The following C9orf78 variants were observed in gnomAD, a reference collection of about 807,000 sequenced individuals.
C9orf78 encodes the protein splicing factor C9orf78.
C9orf78 carries 19 observed loss-of-function variants against 37.4 expected under a neutral mutation model. The ratio of observed to expected loss-of-function variants is 0.51; its 90% CI spans 0.35 to 0.74. The LOEUF (loss-of-function observed/expected upper bound fraction) is 0.74. Among genes scored for constraint, C9orf78 ranks in the 30% least tolerant of loss-of-function variants. C9orf78 has a pLI of 0.01. For missense variants in C9orf78, 291 were observed against 370.8 expected (o/e 0.78, Z 1.77); for synonymous variants, 130 against 128.0 (o/e 1.02, Z -0.10).
intron 4 of C9orf78, among the ~76,000 whole-genome samples, chr9:129,833,116 T>G (rs1475400250): frequency 2.0e-5 from 3 of 150,792 alleles, no homozygotes; most frequent in Non-Finnish European, 4.4e-5. Flanking sequence ...TTTTTTTTTT[T>G]GTAGAGACAG....
At chr9:129,833,032 T>TGG (rs780184435) in intron 4 of C9orf78, among the ~76,000 whole-genome samples, 8 of 117,100 alleles carry the variant, frequency 6.8e-5, no homozygotes, top group Middle Eastern at 5.2e-3. Context: ...TGTATATACA[T>TGG]GTGTGTATAT....
intron 3 of C9orf78, 42 bp from the exon 4 acceptor site, chr9:129,833,559 A>T (rs779820599): frequency 6.7e-7 from 1 of 1,495,528 alleles, no homozygotes; most frequent in Non-Finnish European, 9.3e-7. Flanking sequence ...ATCTAAATAC[A>T]TGGTAGTGGA....
In C9orf78 at chr9:129,833,534, C is replaced by G; in HGVS notation, c.196-17G>C. On this transcript the variant is annotated splice_polypyrimidine_tract_variant and intron_variant, in intron 3 of 8. Coordinates refer to ENST00000372447, the MANE Select transcript of C9orf78 (RefSeq NM_016520.3). ...GGGATCATCCTGCAGAAAGCAAACA[C>G]AGTTAAGAGGAAGCATCTAAATACA... 6.3e-7 allele frequency: 1 copy of G among 1,579,200 alleles called. No homozygotes were observed. The highest frequency in any genetic ancestry group is 8.7e-7 in the Non-Finnish European group (1 of 1,148,176).
chr9:129,832,026 T>G, intron 4 of C9orf78, 53 bp from the exon 5 acceptor site: 1 of 835,566 alleles, frequency 1.2e-6, no homozygotes, highest in Non-Finnish European at 2.1e-6. Context: ...TCAATGAGGC[T>G]GAGTTTTATG....
rs1304507977 is a variant in C9orf78, at chr9:129,828,035, C to T, written c.*126G>A. The stretch of plus-strand genomic sequence containing the variant: ...CTCAAACTCCCGACCTCAGGTGATC[C>T]GCCCACCTCGGCCTCCCAAAGTGCT... On this transcript the variant is annotated 3_prime_UTR_variant, in exon 9 of 9. Coordinates refer to ENST00000372447, the MANE Select transcript of C9orf78 (RefSeq NM_016520.3). The T allele has an allele frequency of 2.2e-5, 12 of 552,918 alleles. No homozygotes were observed. The highest frequency in any genetic ancestry group is 6.4e-5 in the South Asian group (4 of 62,836). 34.3% of individuals were successfully genotyped at this position (552,918 alleles called of 1,614,324 possible).
intron 2 of C9orf78, 73 bp from the exon 3 acceptor site, chr9:129,833,782 C>A (rs535159175): frequency 1.8e-6 from 2 of 1,089,378 alleles, no homozygotes; most frequent in East Asian, 2.5e-5. Context: ...GAGGAACCCT[C>A]TCAGGTATGC....
chr9:129,833,825 A>G, intron 2 of C9orf78, 116 bp from the exon 3 acceptor site: 4 of 507,888 alleles, frequency 7.9e-6, no homozygotes, highest in Non-Finnish European at 1.1e-5. Flanking sequence ...GTGGGATTTG[A>G]GGGGTGGGTA....
At position 129,828,112 on chromosome 9, in the gene C9orf78, G is replaced by C. The variant is rs1257647423; in HGVS notation, c.*49C>G. ...CCGGCCAGGAAGCCATTTTTCATGGGAGGGATATAGGGAGAGGAAGGCGAT... is the reference window on the plus strand; with the variant it reads ...CCGGCCAGGAAGCCATTTTTCATGGCAGGGATATAGGGAGAGGAAGGCGAT... On this transcript the variant is annotated 3_prime_UTR_variant, in exon 9 of 9. Transcript: ENST00000372447. 2 of 1,119,150 alleles carry C rather than the reference G, an allele frequency of 1.8e-6. No individual in the cohort carries two copies. The highest frequency in any genetic ancestry group is 2.5e-5 in the South Asian group (2 of 80,520). 69.3% of individuals were successfully genotyped at this position (1,119,150 alleles called of 1,614,324 possible). A position where few individuals can be genotyped will look rare whatever the true frequency, so the allele number is the denominator to read the frequency against.
intron 4 of C9orf78, among the ~76,000 whole-genome samples, chr9:129,832,333 C>A (rs1588224212): frequency 6.6e-6 from 1 of 152,342 alleles, no homozygotes; most frequent in South Asian, 2.1e-4. Flanking sequence ...TGCTTTAAAT[C>A]ATCTCTAGAT....
At chr9:129,833,770 A>T in intron 2 of C9orf78, 61 bp from the exon 3 acceptor site, 1 of 1,221,526 alleles carries the variant, frequency 8.2e-7, no homozygotes, top group Middle Eastern at 2.5e-4. Flanking sequence ...TTCAGAGATA[A>T]GGAGGAACCC....
rs774463192 is a variant in C9orf78, at chr9:129,828,194, A to G, written c.837T>C (p.Tyr279=). ...ANEKATDDYH[Y]EKFKKMNRRY ...GCCTATTCATTTTCTTGAACTTCTC[A>G]TAATGATAGTCATCAGTTGCCTTCT... Residue 279 remains tyrosine (Y), a synonymous_variant, in exon 9 of 9, where the codon TAT becomes TAC. Coordinates refer to ENST00000372447, the MANE Select transcript of C9orf78 (RefSeq NM_016520.3). The G allele has an allele frequency of 1.9e-6, 3 of 1,606,136 alleles. No individual in the cohort carries two copies. The highest frequency in any genetic ancestry group is 1.7e-6 in the Non-Finnish European group (2 of 1,173,650).
chr9:129,831,398 C>T (rs963104590), intron 5 of C9orf78: 6 of 325,888 alleles, frequency 1.8e-5, no homozygotes, highest in Non-Finnish European at 2.8e-5. Context: ...TATTACTAGT[C>T]ATGAAACCAC....
In C9orf78 at chr9:129,829,716, C is replaced by T. The variant is rs1368199266; in HGVS notation, c.543-175G>A. Reference sequence around the variant, plus strand: ...ATTCTCACGGGACTCTCACGGCTGTCGGAGAACCACAGTTACTCTGCTCTT... The same window carrying T: ...ATTCTCACGGGACTCTCACGGCTGTTGGAGAACCACAGTTACTCTGCTCTT... On this transcript the variant is annotated intron_variant, in intron 6 of 8. Coordinates refer to ENST00000372447, the MANE Select transcript of C9orf78 (RefSeq NM_016520.3). 6.3e-5 allele frequency: 36 copies of T among 572,916 alleles called. 1 individual carries two copies. Among genetic ancestry groups the T allele is most frequent in the South Asian group, 5.7e-4 (24 of 41,906 alleles). 35.5% of individuals were successfully genotyped at this position (572,916 alleles called of 1,614,324 possible). A position where few individuals can be genotyped will look rare whatever the true frequency, so the allele number is the denominator to read the frequency against.
intron 4 of C9orf78, among the ~76,000 whole-genome samples, chr9:129,833,019 ATGTGTATATACATG>A (rs941672984): frequency 6.7e-5 from 10 of 148,394 alleles, no homozygotes; most frequent in South Asian, 4.3e-4. Context: ...GTGTGTGTAT[ATGTGTATATACATG>A]TGTGTATATA....
Position 129,829,507 on chromosome 9 carries a change from C to T in C9orf78, c.577G>A (p.Ala193Thr), listed in dbSNP as rs1288955935. The T allele has an allele frequency of 8.7e-6, 14 of 1,613,980 alleles. No homozygotes were observed. The highest frequency in any genetic ancestry group is 1.1e-5 in the Non-Finnish European group (13 of 1,179,892). The stretch of plus-strand genomic sequence containing the variant: ...TGCTCTGCCAGCAGACGGGCCTTGG[C>T]ATCCTCCGTGGAAATGATATTTTTT... ...KIKNIISTEDAKARLLAEQQN... is the reference protein window; with the variant it reads ...KIKNIISTEDTKARLLAEQQN... The change falls in exon 7 of 9, where the codon GCC becomes ACC. Residue 193 changes from alanine to threonine, a missense_variant. By Grantham distance (58) the Ala-to-Thr change is moderately conservative. Around this residue, in one of 3 missense-constraint regions of C9orf78, gnomAD observed 120 missense variants for 148.7 expected, o/e 0.81. Transcript: ENST00000372447.
rs767141045 is a variant in C9orf78 at position 129,829,560 on chromosome 9, C to A, written c.543-19G>T. On this transcript the variant is annotated intron_variant, in intron 6 of 8. Coordinates refer to ENST00000372447, the MANE Select transcript of C9orf78 (RefSeq NM_016520.3). ...TTTAGCACTATGGAGAGAAAGAAAC[C>A]ACACCACTTAGAAGATGATAGCACC... The A allele has an allele frequency of 6.2e-7, 1 of 1,609,640 alleles. No homozygotes were observed. Among genetic ancestry groups the A allele is most frequent in the Non-Finnish European group, 8.5e-7 (1 of 1,176,900 alleles).
rs1026768538 is a variant in C9orf78, at chr9:129,828,116, G to T, written c.*45C>A. On this transcript the variant is annotated 3_prime_UTR_variant, in exon 9 of 9. Coordinates refer to ENST00000372447, the MANE Select transcript of C9orf78 (RefSeq NM_016520.3). ...CCAGGAAGCCATTTTTCATGGGAGG[G>T]ATATAGGGAGAGGAAGGCGATATTT... The T allele has an allele frequency of 1.8e-6, 2 of 1,139,212 alleles. No individual in the cohort carries two copies. The highest frequency in any genetic ancestry group is 2.6e-6 in the Non-Finnish European group (2 of 755,976). The allele number at this position is 1,139,212 out of a possible 1,614,324, so 70.6% of individuals were successfully genotyped here. A position where few individuals can be genotyped will look rare whatever the true frequency, so the allele number is the denominator to read the frequency against.
chr9:129,831,022 C>T lies in C9orf78; in HGVS notation c.391G>A (p.Glu131Lys), dbSNP rs2031481224. The change falls in exon 6 of 9, where the codon GAA becomes AAA. Residue 131 changes from glutamate to lysine, a missense_variant. Physicochemically the swap from Glu to Lys is moderately conservative, Grantham distance 56 (BLOSUM62 1). This residue lies in a region of C9orf78 where 158 missense variants were observed against 174.8 expected (regional missense o/e 0.90). Transcript: ENST00000372447. ...GGCTTAACTTTCTGTTCCTCATGTTCCACGATCCCTTTCCTCTTCTTTAGC... is the reference window on the plus strand; with the variant it reads ...GGCTTAACTTTCTGTTCCTCATGTTTCACGATCCCTTTCCTCTTCTTTAGC... ...TELKKRKGIVEHEEQKVKPKN... is the reference protein window; with the variant it reads ...TELKKRKGIVKHEEQKVKPKN... 3 of 1,613,630 alleles carry T rather than the reference C, an allele frequency of 1.9e-6. No homozygotes were observed. Among genetic ancestry groups the T allele is most frequent in the Admixed American group, 1.7e-5 (1 of 59,996 alleles).
chr9:129,834,979 G>C (rs1412267936), intron 1 of C9orf78, 160 bp downstream of exon 1: 2 of 689,882 alleles, frequency 2.9e-6, no homozygotes, highest in East Asian at 2.7e-5. Flanking sequence ...TTCGAGCTTG[G>C]GGCGGTGGCC....
Sources: allele counts gnomAD v4.1 joint callset (sites outside exome capture counted in the v4.1 genomes callset), GRCh38; gene constraint gnomAD v4.1.1; regional missense constraint gnomAD v4.1.1; transcripts MANE v1.5; gene names NCBI Gene and HGNC (gene_info 2026-07-23, HGNC 2026-07-21).